The following PTPRM variants were observed in gnomAD, a reference collection of about 807,000 sequenced individuals.
PTPRM encodes receptor-type tyrosine-protein phosphatase mu.
A neutral mutation model predicts 186.7 loss-of-function variants in PTPRM; 47 were observed. The observed-to-expected ratio is 0.25, with a 90% CI of 0.20 to 0.32. The LOEUF (loss-of-function observed/expected upper bound fraction) is 0.32. Ranked by LOEUF, PTPRM falls within the 10% of genes least tolerant of loss-of-function variation. PTPRM has a pLI of 1.00. For synonymous variants in PTPRM, 668 were observed against 674.9 expected, an observed-to-expected ratio of 0.99 and a Z score of 0.16; for missense variants, 1,494 against 1,865.0, an observed-to-expected ratio of 0.80 and a Z score of 3.66.
intron 3 of PTPRM, among the ~76,000 whole-genome samples, chr18:7,901,320 G>A (rs1000049236): frequency 3.3e-5 from 5 of 152,080 alleles, no homozygotes; most frequent in Admixed American, 3.3e-4. Context: ...TCCAAAATCT[G>A]TTTATAAGAA....
chr18:7,997,338 C>A (rs1433148726), intron 7 of PTPRM, among the ~76,000 whole-genome samples: 1 of 152,050 alleles, frequency 6.6e-6, no homozygotes, highest in African/African-American at 2.4e-5. Flanking sequence ...TCTCTGCATG[C>A]AGAATAATAA....
At chr18:7,608,414 T>G (rs1307506208) in intron 1 of PTPRM, among the ~76,000 whole-genome samples, 3 of 152,228 alleles carry the variant, frequency 2.0e-5, no homozygotes, top group Non-Finnish European at 4.4e-5. Flanking sequence ...GAGAATCCTG[T>G]TGTTCTGTGA....
intron 2 of PTPRM, among the ~76,000 whole-genome samples, chr18:7,820,771 T>A (rs2045144161): frequency 6.6e-6 from 1 of 152,156 alleles, no homozygotes; most frequent in Admixed American, 6.5e-5. Flanking sequence ...CGCCTCTCTT[T>A]GGCTTCTCTC....
intron 1 of PTPRM, among the ~76,000 whole-genome samples, chr18:7,573,022 G>A (rs2036599674): frequency 6.6e-6 from 1 of 152,194 alleles, no homozygotes; most frequent in African/African-American, 2.4e-5. Flanking sequence ...CTTGGGTGGA[G>A]AGGAGGAAAG....
At chr18:8,010,262 A>G (rs768832208) in intron 7 of PTPRM, among the ~76,000 whole-genome samples, 1 of 152,158 alleles carries the variant, frequency 6.6e-6, no homozygotes, top group Non-Finnish European at 1.5e-5. Flanking sequence ...TAATTTTCCT[A>G]AAATCTCTTT....
chr18:7,892,044 T>C (rs2049109941), intron 3 of PTPRM, among the ~76,000 whole-genome samples: 1 of 152,194 alleles, frequency 6.6e-6, no homozygotes, highest in Non-Finnish European at 1.5e-5. Context: ...ATGTTCCCAC[T>C]GCCCCTCTGG....
chr18:7,845,252 C>T (rs997029345), intron 2 of PTPRM, among the ~76,000 whole-genome samples: 1 of 152,042 alleles, frequency 6.6e-6, no homozygotes, highest in South Asian at 2.1e-4. Flanking sequence ...TTTTTCTGAA[C>T]AAGAATGAGA....
At chr18:8,187,520 C>A (rs531873962) in intron 14 of PTPRM, among the ~76,000 whole-genome samples, 1 of 152,288 alleles carries the variant, frequency 6.6e-6, no homozygotes, top group African/African-American at 2.4e-5. Context: ...GTAGAAACCT[C>A]TATTGTGTTT....
intron 10 of PTPRM, 116 bp downstream of exon 10, chr18:8,085,988 T>C (rs2145275610): frequency 2.1e-6 from 2 of 961,018 alleles, no homozygotes; most frequent in Non-Finnish European, 3.2e-6. Context: ...AAAGGAATAC[T>C]CCTGGATGCC....
Position 7,567,684 on chromosome 18 carries a change from CT to C in PTPRM, c.-132del, listed in dbSNP as rs2036458250. On this transcript the variant is annotated 5_prime_UTR_variant, in exon 1 of 33. Transcript: ENST00000580170. The surrounding 1 kb of genome is among the most constrained non-coding windows in gnomAD (Gnocchi z 4.3). Reference sequence around the variant, plus strand: ...GTTCGGACTTCTGCAACTGTTGGCACTTTGGGGGCTTGGCTTAGCGCTCTGC... The same window carrying C: ...GTTCGGACTTCTGCAACTGTTGGCACTTGGGGGCTTGGCTTAGCGCTCTGC... 1.3e-6 allele frequency: 1 copy of C among 772,588 alleles called. No homozygotes were observed. Among genetic ancestry groups the C allele is most frequent in the Non-Finnish European group, 1.9e-6 (1 of 528,108 alleles). The allele number at this position is 772,588 out of a possible 1,614,324, so 47.9% of individuals were successfully genotyped here.
chr18:7,856,581 A>G (rs2047105763), intron 2 of PTPRM, among the ~76,000 whole-genome samples: 1 of 151,904 alleles, frequency 6.6e-6, no homozygotes, highest in Non-Finnish European at 1.5e-5. Flanking sequence ...TTTGCAGAAA[A>G]AAAAAAAAGA....
intron 7 of PTPRM, chr18:8,018,009 G>C (rs151048257): frequency 8.3e-4 from 127 of 152,322 alleles, no homozygotes; most frequent in African/African-American, 3.0e-3. Context: ...AATGTTACAT[G>C]ACCCAAGAGA....
chr18:7,885,562 A>G (rs2146325233), intron 2 of PTPRM, among the ~76,000 whole-genome samples: 1 of 152,328 alleles, frequency 6.6e-6, no homozygotes, highest in South Asian at 2.1e-4. Flanking sequence ...ACTTGTGTGT[A>G]ATAGGGATGT....
At chr18:7,740,445 G>A (rs1437688884) in intron 1 of PTPRM, among the ~76,000 whole-genome samples, 1 of 152,094 alleles carries the variant, frequency 6.6e-6, no homozygotes. Flanking sequence ...TTTAGAGATG[G>A]GATCTCGCTC....
intron 10 of PTPRM, among the ~76,000 whole-genome samples, chr18:8,087,965 T>C (rs1445549063): frequency 1.3e-5 from 2 of 152,144 alleles, no homozygotes; most frequent in African/African-American, 4.8e-5. Context: ...CTTAACAGTC[T>C]AGAGAAGGAA....
At chr18:7,945,064 A>T (rs1430446960) in intron 5 of PTPRM, among the ~76,000 whole-genome samples, 1 of 152,134 alleles carries the variant, frequency 6.6e-6, no homozygotes, top group East Asian at 1.9e-4. Flanking sequence ...ATGGGTTATC[A>T]TGGGAGAGGG....
At chr18:8,367,561 T>A (rs7342992) in intron 23 of PTPRM, among the ~76,000 whole-genome samples, 11,267 of 152,348 alleles carry the variant, frequency 0.074, 895 homozygotes, top group African/African-American at 0.2. Context: ...GGCTGCTGCC[T>A]GCAGCCGACG....
chr18:8,369,950 T>TA (rs1484807730), intron 23 of PTPRM, among the ~76,000 whole-genome samples: 1 of 151,956 alleles, frequency 6.6e-6, no homozygotes, highest in Non-Finnish European at 1.5e-5. Flanking sequence ...ACCCTGTCTC[T>TA]AAAAAAGAAA....
At chr18:8,364,397 A>G (rs943531772) in intron 23 of PTPRM, among the ~76,000 whole-genome samples, 1 of 152,086 alleles carries the variant, frequency 6.6e-6, no homozygotes, top group African/African-American at 2.4e-5. Flanking sequence ...AGGTAGATGG[A>G]AAAAAAATCC....
Sources: allele counts gnomAD v4.1 joint callset (sites outside exome capture counted in the v4.1 genomes callset), GRCh38; gene constraint gnomAD v4.1.1; non-coding constraint Gnocchi (gnomAD v3.1); transcripts MANE v1.5; gene names NCBI Gene and HGNC (gene_info 2026-07-23, HGNC 2026-07-21).